GTF2F2: variants seen among roughly 807,000 people sequenced by gnomAD.
GTF2F2 encodes the protein general transcription factor IIF subunit 2.
GTF2F2 carries 23 observed loss-of-function variants against 42.2 expected under a neutral mutation model. The ratio of observed to expected loss-of-function variants is 0.55; its 90% CI spans 0.39 to 0.77. The LOEUF is 0.77. Ranked by LOEUF, GTF2F2 falls within the 30% of genes least tolerant of loss-of-function variation. The pLI, the probability that GTF2F2 is intolerant of heterozygous loss-of-function variation, is 0.00. For synonymous variants in GTF2F2, 105 were observed against 100.8 expected (o/e 1.04, Z -0.25); for missense variants, 261 against 287.2 (o/e 0.91, Z 0.66).
At chr13:45,222,853 T>C (rs1566140248) in intron 5 of GTF2F2, among the ~76,000 whole-genome samples, 1 of 152,212 alleles carries the variant, frequency 6.6e-6, no homozygotes, top group African/African-American at 2.4e-5. Context: ...CTAGATCCTT[T>C]AGCTTTTAAG....
At chr13:45,238,099 G>A (rs1566146457) in intron 5 of GTF2F2, among the ~76,000 whole-genome samples, 1 of 152,082 alleles carries the variant, frequency 6.6e-6, no homozygotes, top group Non-Finnish European at 1.5e-5. Flanking sequence ...GATTACAGGT[G>A]CACACCGCTG....
chr13:45,223,003 G>T (rs1250000571), intron 5 of GTF2F2, among the ~76,000 whole-genome samples: 1 of 152,116 alleles, frequency 6.6e-6, no homozygotes, highest in Non-Finnish European at 1.5e-5. Flanking sequence ...AAGTCATAGT[G>T]CAGTATTCTA....
intron 2 of GTF2F2, among the ~76,000 whole-genome samples, chr13:45,148,293 A>G (rs536686986): frequency 1.3e-5 from 2 of 152,344 alleles, no homozygotes; most frequent in South Asian, 2.1e-4. Flanking sequence ...TGGTCAAACA[A>G]TATCTACAGA....
chr13:45,214,807 A>T (rs1873824394), intron 5 of GTF2F2, among the ~76,000 whole-genome samples: 2 of 150,340 alleles, frequency 1.3e-5, no homozygotes, highest in Admixed American at 1.3e-4. Flanking sequence ...TACTTTGTTA[A>T]GTATAAAGGA....
chr13:45,183,679 A>G (rs1872272230), intron 4 of GTF2F2, among the ~76,000 whole-genome samples: 1 of 152,114 alleles, frequency 6.6e-6, no homozygotes, highest in African/African-American at 2.4e-5. Context: ...AGAAGTAACT[A>G]TCAATATCTG....
chr13:45,154,949 C>T (rs1466918140), intron 4 of GTF2F2, among the ~76,000 whole-genome samples: 4 of 152,178 alleles, frequency 2.6e-5, no homozygotes, highest in African/African-American at 9.7e-5. Context: ...TAGTTTATCT[C>T]CTCTGAGGAG....
At chr13:45,178,129 T>C (rs1279574921) in intron 4 of GTF2F2, among the ~76,000 whole-genome samples, 1 of 152,114 alleles carries the variant, frequency 6.6e-6, no homozygotes, top group Non-Finnish European at 1.5e-5. Context: ...CTATTTTTTT[T>C]CTCTCCTCCT....
chr13:45,135,150 C>T lies in GTF2F2; in HGVS notation c.67-1583C>T, dbSNP rs187115940. Among the ~76,000 whole-genome samples, 7 of 151,916 alleles carry T rather than the reference C, an allele frequency of 4.6e-5. No homozygotes were observed. The East Asian group carries it at 5.8e-4, about 13-fold the overall frequency. On this transcript the variant is annotated intron_variant, in intron 1 of 7. Coordinates refer to ENST00000340473, the MANE Select transcript of GTF2F2 (RefSeq NM_004128.3). Reference sequence around the variant, plus strand: ...TGTATTTTTAGTAGAGACGGGATTCCGCCATGATGGCCAGGCTGGTCTAGA... The same window carrying T: ...TGTATTTTTAGTAGAGACGGGATTCTGCCATGATGGCCAGGCTGGTCTAGA...
At chr13:45,204,294 G>A (rs1489542862) in intron 4 of GTF2F2, among the ~76,000 whole-genome samples, 1 of 152,148 alleles carries the variant, frequency 6.6e-6, no homozygotes, top group Non-Finnish European at 1.5e-5. Context: ...GTTTAAGAAA[G>A]TCTACGCTCC....
chr13:45,215,100 C>G (rs948551817), intron 5 of GTF2F2, among the ~76,000 whole-genome samples: 3 of 152,148 alleles, frequency 2.0e-5, no homozygotes, highest in Non-Finnish European at 4.4e-5. Context: ...GTCCAAAAAT[C>G]TGAAATCATT....
chr13:45,203,673 T>G (rs1020190327), intron 4 of GTF2F2, among the ~76,000 whole-genome samples: 2 of 152,186 alleles, frequency 1.3e-5, no homozygotes, highest in African/African-American at 4.8e-5. Flanking sequence ...TTATTAAAAC[T>G]AATATAGACA....
chr13:45,204,819 C>T (rs1292140024), intron 4 of GTF2F2, among the ~76,000 whole-genome samples: 1 of 152,146 alleles, frequency 6.6e-6, no homozygotes, highest in Non-Finnish European at 1.5e-5. Flanking sequence ...CTTTTCCATT[C>T]ACTTTGAGTA....
intron 2 of GTF2F2, among the ~76,000 whole-genome samples, chr13:45,148,894 AT>A (rs1224012005): frequency 6.6e-6 from 1 of 152,174 alleles, no homozygotes; most frequent in Non-Finnish European, 1.5e-5. Flanking sequence ...AATTGTGGCT[AT>A]TTTAAAACTT....
intron 1 of GTF2F2, among the ~76,000 whole-genome samples, chr13:45,129,935 G>C (rs1869248406): frequency 1.3e-5 from 2 of 152,238 alleles, no homozygotes; most frequent in Admixed American, 6.5e-5. Context: ...TTATGGGCTT[G>C]CCCTTGCAGA....
intron 4 of GTF2F2, among the ~76,000 whole-genome samples, chr13:45,160,571 A>C (rs563397949): frequency 1.1e-4 from 17 of 152,200 alleles, no homozygotes; most frequent in Non-Finnish European, 2.4e-4. Context: ...TGAATTATGT[A>C]GTTCTTTTGA....
intron 5 of GTF2F2, among the ~76,000 whole-genome samples, chr13:45,235,642 T>G (rs1189857271): frequency 6.6e-6 from 1 of 152,094 alleles, no homozygotes; most frequent in Admixed American, 6.6e-5. Context: ...CAGGCTGCAG[T>G]GCAGTGGCGT....
At position 45,247,478 on chromosome 13, in the gene GTF2F2, C is replaced by T. The variant is rs113679494; in HGVS notation, c.387-5393C>T. On this transcript the variant is annotated intron_variant, in intron 5 of 7. Transcript: ENST00000340473. ...CCGGATCTCAGCTCACTGCAACCTCCGCCTCCTGGCTTCAAGCAATTCTCC... is the reference window on the plus strand; with the variant it reads ...CCGGATCTCAGCTCACTGCAACCTCTGCCTCCTGGCTTCAAGCAATTCTCC... 2.2e-3 allele frequency among the ~76,000 whole-genome samples: 335 copies of T among 151,518 alleles called. 3 individuals are homozygous for T. The highest frequency in any genetic ancestry group is 7.6e-3 in the African/African-American group (316 of 41,354).
At chr13:45,144,319 A>G (rs1170407423) in intron 2 of GTF2F2, among the ~76,000 whole-genome samples, 1 of 152,128 alleles carries the variant, frequency 6.6e-6, no homozygotes, top group African/African-American at 2.4e-5. Flanking sequence ...TTCTTTGTAC[A>G]TCACCATCCT....
At chr13:45,191,044 G>A (rs1872596167) in intron 4 of GTF2F2, among the ~76,000 whole-genome samples, 1 of 150,050 alleles carries the variant, frequency 6.7e-6, no homozygotes, top group Non-Finnish European at 1.5e-5. Flanking sequence ...TGTTTCATTT[G>A]TTCTGTATAC....
Sources: allele counts gnomAD v4.1 joint callset (sites outside exome capture counted in the v4.1 genomes callset), GRCh38; gene constraint gnomAD v4.1.1; transcripts MANE v1.5; gene names NCBI Gene and HGNC (gene_info 2026-07-23, HGNC 2026-07-21).